CERS4: variants seen among roughly 807,000 people sequenced by gnomAD.
CERS4 encodes the protein ceramide synthase 4.
A neutral mutation model predicts 51.8 loss-of-function variants in CERS4; 65 were observed. The ratio of observed to expected loss-of-function variants is 1.26; its 90% CI spans 1.03 to 1.54. CERS4 has a LOEUF of 1.54. Among genes scored for constraint, CERS4 ranks in the 40% most tolerant of loss-of-function variants. The pLI, the probability that CERS4 is intolerant of heterozygous loss-of-function variation, is 0.00. For synonymous variants in CERS4, 228 were observed against 208.4 expected, an observed-to-expected ratio of 1.09 and a Z score of -0.81; for missense variants, 563 against 500.4, an observed-to-expected ratio of 1.13 and a Z score of -1.19.
intron 2 of CERS4, chr19:8,240,576 A>G (rs896231376): frequency 3.7e-5 from 3 of 80,918 alleles, no homozygotes; most frequent in African/African-American, 1.4e-4. Context: ...GAGTGAGTCA[A>G]TGTATGCAAG....
intron 2 of CERS4, among the ~76,000 whole-genome samples, chr19:8,227,104 G>A (rs1967818734): frequency 6.6e-6 from 1 of 151,940 alleles, no homozygotes. Context: ...CTCCAGCCTG[G>A]GCAACAAGAG....
intron 10 of CERS4, among the ~76,000 whole-genome samples, chr19:8,259,699 G>T (rs1374782236): frequency 6.6e-6 from 1 of 152,120 alleles, no homozygotes; most frequent in Non-Finnish European, 1.5e-5. Flanking sequence ...TGCTGGGTTT[G>T]AGGGGTCTGT....
chr19:8,255,979 A>C lies in CERS4; in HGVS notation c.468+100A>C, dbSNP rs150739266. The C allele has an allele frequency of 1.4e-5, 19 of 1,323,228 alleles. No individual in the cohort carries two copies. The East Asian group carries it at 4.2e-4, about 29-fold the overall frequency. 82.0% of individuals were successfully genotyped at this position (1,323,228 alleles called of 1,614,324 possible). ...TGGAGTGGTGCAGCCAGAGAGGAAA[A>C]CATGCAGCTGAGGAGAGAGCGAGCT... On this transcript the variant is annotated intron_variant, in intron 6 of 11. Coordinates refer to ENST00000251363, the MANE Select transcript of CERS4 (RefSeq NM_024552.3).
chr19:8,258,432 G>T (rs1969510518), intron 10 of CERS4, among the ~76,000 whole-genome samples: 1 of 152,182 alleles, frequency 6.6e-6, no homozygotes. Context: ...TGACGGGCCG[G>T]GCGTGGTAGC....
At chr19:8,216,390 A>G (rs976855592) in intron 2 of CERS4, among the ~76,000 whole-genome samples, 23 of 151,674 alleles carry the variant, frequency 1.5e-4, no homozygotes, top group Middle Eastern at 3.4e-3. Flanking sequence ...GAAAAAAAAA[A>G]AAAAAGAAAA....
At chr19:8,234,500 AT>A (rs1309227426) in intron 2 of CERS4, among the ~76,000 whole-genome samples, 2 of 147,506 alleles carry the variant, frequency 1.4e-5, no homozygotes, top group African/African-American at 5.1e-5. Flanking sequence ...TACCCATTCA[AT>A]TTTAACTCCC....
intron 2 of CERS4, among the ~76,000 whole-genome samples, chr19:8,233,043 C>A (rs1254957903): frequency 6.6e-6 from 1 of 151,400 alleles, no homozygotes; most frequent in Non-Finnish European, 1.5e-5. Flanking sequence ...CAGCCTGAAT[C>A]TTTTTATTTT....
intron 2 of CERS4, 175 bp from the exon 3 acceptor site, chr19:8,250,901 G>A (rs1175890112): frequency 6.9e-7 from 1 of 1,440,112 alleles, no homozygotes; most frequent in East Asian, 2.6e-5. Context: ...TGGGACCAGA[G>A]GACAGTTCCA....
At chr19:8,251,920 T>TA (rs1175196545) in intron 3 of CERS4, among the ~76,000 whole-genome samples, 4 of 151,600 alleles carry the variant, frequency 2.6e-5, no homozygotes, top group South Asian at 2.1e-4. Context: ...TTTTAGCCCT[T>TA]AAAAAAAATT....
At chr19:8,228,474 AGACCAGCCT>A (rs1356334872) in intron 2 of CERS4, among the ~76,000 whole-genome samples, 2 of 152,048 alleles carry the variant, frequency 1.3e-5, no homozygotes, top group African/African-American at 4.8e-5. Flanking sequence ...CAGTAGTTTG[AGACCAGCCT>A]GGCCAGCATG....
chr19:8,260,265 G>A (rs1004073882), intron 10 of CERS4, among the ~76,000 whole-genome samples: 85 of 151,434 alleles, frequency 5.6e-4, no homozygotes, highest in African/African-American at 2.0e-3. Context: ...CGTGATCTCA[G>A]CCCACCACAA....
At chr19:8,247,207 C>T (rs1245419635) in intron 2 of CERS4, among the ~76,000 whole-genome samples, 1 of 152,060 alleles carries the variant, frequency 6.6e-6, no homozygotes. Context: ...CCTGCGGCCC[C>T]CATGCCTTGC....
In CERS4 at chr19:8,245,122, A is replaced by AAAAACAAAAAAAAACAAAAACAAAC. The variant is rs1555777239; in HGVS notation, c.-1-5950_-1-5949insCAAAAAAAAACAAAAACAAACAAAA. Among the ~76,000 whole-genome samples the AAAAACAAAAAAAAACAAAAACAAAC allele has an allele frequency of 2.2e-4, 29 of 129,284 alleles. 1 individual carries two copies. Among genetic ancestry groups the AAAAACAAAAAAAAACAAAAACAAAC allele is most frequent in the East Asian group, 4.5e-4 (2 of 4,464 alleles). The allele number at this position is 129,284 out of a possible 152,430, so 84.8% of individuals were successfully genotyped here. ...GCGAGACTCCATCTCAAAAAAAAAA[A>AAAAACAAAAAAAAACAAAAACAAAC]AAAAAAAAAAAAACACTCTTGGCTT... On this transcript the variant is annotated intron_variant, in intron 2 of 11. Transcript: ENST00000251363.
intron 2 of CERS4, among the ~76,000 whole-genome samples, chr19:8,219,987 T>TA (rs3042172): frequency 0.048 from 7,061 of 148,488 alleles, 384 homozygotes; most frequent in East Asian, 0.19. Context: ...TGTTGTCTCT[T>TA]AAAAAAAAAA....
At chr19:8,257,764 G>A (rs1599595675) in intron 9 of CERS4, 115 bp from the exon 10 acceptor site, 1 of 745,338 alleles carries the variant, frequency 1.3e-6, no homozygotes, top group Non-Finnish European at 2.4e-6. Flanking sequence ...TGAAAAGGTA[G>A]GTAGTTCCTG....
Position 8,251,144 on chromosome 19 carries a change from C to T in CERS4, c.68C>T (p.Thr23Ile). 1 of 1,613,030 alleles carries T rather than the reference C, an allele frequency of 6.2e-7. No individual in the cohort carries two copies. Among genetic ancestry groups the T allele is most frequent in the Non-Finnish European group, 8.5e-7 (1 of 1,179,648 alleles). ...RFWLPPNVTW[T>I]ELEDRDGRVY... Reference sequence around the variant, plus strand: ...TGGTTACCACCCAATGTCACGTGGACAGAGCTAGAAGACCGGGATGGCCGT... The same window carrying T: ...TGGTTACCACCCAATGTCACGTGGATAGAGCTAGAAGACCGGGATGGCCGT... The change falls in exon 3 of 12, where the codon ACA becomes ATA. Residue 23 changes from threonine to isoleucine, a missense_variant. Physicochemically the swap from Thr to Ile is moderately conservative, Grantham distance 89. Transcript: ENST00000251363.
At chr19:8,218,476 C>T (rs961332682) in intron 2 of CERS4, among the ~76,000 whole-genome samples, 10 of 152,324 alleles carry the variant, frequency 6.6e-5, no homozygotes, top group African/African-American at 2.4e-4. Flanking sequence ...GGGAATCCAC[C>T]CGTGGAGACC....
rs190487930 is a variant in CERS4 at position 8,227,906 on chromosome 19, G to T, written c.-2+17044G>T. 1.7e-3 allele frequency among the ~76,000 whole-genome samples: 252 copies of T among 152,200 alleles called. 1 individual carries two copies. The highest frequency in any genetic ancestry group is 5.7e-3 in the African/African-American group (238 of 41,556). On this transcript the variant is annotated intron_variant, in intron 2 of 11. Transcript: ENST00000251363. ...GAGACGGAGTCTCACTATGTTGCTG[G>T]GCTGGAATGCAGTGGCGTGATCTCG... is the stretch of plus-strand genomic sequence containing the variant.
chr19:8,221,727 G>T (rs1967551388), intron 2 of CERS4, among the ~76,000 whole-genome samples: 1 of 150,930 alleles, frequency 6.6e-6, no homozygotes, highest in African/African-American at 2.4e-5. Flanking sequence ...TAGAGACGAG[G>T]CTTCACCATG....
Sources: allele counts gnomAD v4.1 joint callset (sites outside exome capture counted in the v4.1 genomes callset), GRCh38; gene constraint gnomAD v4.1.1; transcripts MANE v1.5; gene names NCBI Gene and HGNC (gene_info 2026-07-23, HGNC 2026-07-21).